CPS1: variants seen among roughly 807,000 people sequenced by gnomAD.
The protein encoded by CPS1 is carbamoyl-phosphate synthase [ammonia], mitochondrial.
A neutral mutation model predicts 174.6 loss-of-function variants in CPS1; 109 were observed. The ratio of observed to expected loss-of-function variants is 0.62; its 90% CI spans 0.53 to 0.73. The LOEUF (loss-of-function observed/expected upper bound fraction) is 0.73, where lower values mean the gene tolerates loss of function less well. Among genes scored for constraint, CPS1 ranks in the 30% least tolerant of loss-of-function variants. CPS1 has a pLI of 0.00. For synonymous variants in CPS1, 637 were observed against 632.0 expected (o/e 1.01, Z -0.12); for missense variants, 1,689 against 1,821.9 (o/e 0.93, Z 1.33).
intron 34 of CPS1, chr2:210,673,959 A>G (rs1701413199): frequency 6.6e-6 from 1 of 152,228 alleles, no homozygotes; most frequent in Admixed American, 6.5e-5. Flanking sequence ...AGGCAAAGAC[A>G]TTAACTTTTT....
intron 34 of CPS1, 111 bp from the exon 35 acceptor site, chr2:210,674,791 G>A: frequency 1.1e-6 from 1 of 901,566 alleles, no homozygotes; most frequent in South Asian, 1.3e-5. Flanking sequence ...TTAATATAAA[G>A]CATCCGGCAA....
chr2:210,538,393 G>A (rs2544307), intron 1 of CPS1, among the ~76,000 whole-genome samples: 62,858 of 151,854 alleles, frequency 0.41, 13,242 homozygotes, highest in Middle Eastern at 0.52. Context: ...TGGAGGTTCA[G>A]TTGATCTTTA....
At chr2:210,554,720 A>G (rs1215393066), upstream of CPS1, among the ~76,000 whole-genome samples, 3 of 151,900 alleles carry the variant, frequency 2.0e-5, no homozygotes, top group African/African-American at 7.3e-5. Context: ...CAATGTGCAC[A>G]TGTACCCTAA....
At chr2:210,667,601 T>C (rs1207339485) in intron 33 of CPS1, among the ~76,000 whole-genome samples, 1 of 152,176 alleles carries the variant, frequency 6.6e-6, no homozygotes, top group Non-Finnish European at 1.5e-5. Flanking sequence ...ATATTTTGTT[T>C]CACTTTATGA....
chr2:210,594,372 C>T, intron 11 of CPS1, 136 bp from the exon 12 acceptor site: 1 of 663,204 alleles, frequency 1.5e-6, no homozygotes, highest in Non-Finnish European at 2.6e-6. Context: ...GACAAAAAAG[C>T]AAAAAAAGCT....
chr2:210,495,527 G>A (rs148129273), intron 1 of CPS1, among the ~76,000 whole-genome samples: 146 of 152,272 alleles, frequency 9.6e-4, no homozygotes, highest in African/African-American at 3.1e-3. Context: ...TACCCACTCT[G>A]TCCCCAGCTT....
chr2:210,637,064 C>T (rs1292516070), intron 21 of CPS1, among the ~76,000 whole-genome samples: 1 of 152,132 alleles, frequency 6.6e-6, no homozygotes. Context: ...GCATAAAGAC[C>T]TGGAGCACAG....
intron 16 of CPS1, 68 bp downstream of exon 16, chr2:210,602,398 A>G (rs543546794): frequency 5.4e-4 from 830 of 1,551,336 alleles, no homozygotes; most frequent in Non-Finnish European, 7.2e-4. Context: ...TTTCAACTAG[A>G]GAAAGTTATG....
intron 25 of CPS1, among the ~76,000 whole-genome samples, chr2:210,646,715 G>A (rs544659563): frequency 6.6e-6 from 1 of 152,034 alleles, no homozygotes; most frequent in East Asian, 1.9e-4. Flanking sequence ...TAGTGTTTAG[G>A]CAGGTATTAT....
intron 20 of CPS1, among the ~76,000 whole-genome samples, chr2:210,614,930 T>C (rs1699252763): frequency 6.6e-6 from 1 of 151,866 alleles, no homozygotes; most frequent in Non-Finnish European, 1.5e-5. Flanking sequence ...AAATACCTAA[T>C]GTAGATGACA....
At chr2:210,677,181 C>T (rs1360621279) in intron 37 of CPS1, 45 bp downstream of exon 37, 3 of 1,586,608 alleles carry the variant, frequency 1.9e-6, no homozygotes, top group African/African-American at 1.3e-5. Context: ...AGTTTTATTT[C>T]TGTGCCTCCC....
In CPS1 at chr2:210,592,953, T is replaced by C. The variant is rs1698359740; in HGVS notation, c.1161T>C (p.Thr387=). The C allele has an allele frequency of 6.2e-7, 1 of 1,611,762 alleles. No individual in the cohort carries two copies. The highest frequency in any genetic ancestry group is 8.5e-7 in the Non-Finnish European group (1 of 1,178,574). The change falls in exon 11 of 38, where the codon ACT becomes ACC. Residue 387 remains threonine (T), a synonymous_variant. Transcript: ENST00000233072. ...AGGTCACCCCGGGGCCAATAGACAC[T>C]GAGGTACGTCAAAAAGATGAGGCCT... ...HPEVTPGPID[T]EYLFDSFFSL... is the part of the protein sequence containing the mutation.
intron 1 of CPS1, among the ~76,000 whole-genome samples, chr2:210,548,278 A>G (rs908893204): frequency 1.3e-5 from 2 of 152,038 alleles, no homozygotes; most frequent in Admixed American, 6.6e-5. Context: ...GACTTCTAAC[A>G]TGGCAATTAA....
intron 6 of CPS1, among the ~76,000 whole-genome samples, chr2:210,586,358 C>G (rs1471350572): frequency 6.6e-6 from 1 of 151,764 alleles, no homozygotes; most frequent in Non-Finnish European, 1.5e-5. Flanking sequence ...AAAATTGGTC[C>G]CATTCATATG....
chr2:210,565,237 C>G (rs2106055507), intron 1 of CPS1, among the ~76,000 whole-genome samples: 1 of 152,096 alleles, frequency 6.6e-6, no homozygotes, highest in South Asian at 2.1e-4. Context: ...AATAAATTTT[C>G]TAACAAAGGA....
At chr2:210,592,120 A>T in intron 10 of CPS1, 151 bp downstream of exon 10, 1 of 894,608 alleles carries the variant, frequency 1.1e-6, no homozygotes, top group South Asian at 1.8e-5. Context: ...ACACTAGGAT[A>T]ACCATCACCT....
chr2:210,631,978 T>C (rs1357524569), intron 21 of CPS1, among the ~76,000 whole-genome samples: 1 of 152,240 alleles, frequency 6.6e-6, no homozygotes, highest in African/African-American at 2.4e-5. Flanking sequence ...TAGCTGGGCA[T>C]AAAGCTGTCT....
chr2:210,543,043 G>T (rs1456895849), intron 1 of CPS1, among the ~76,000 whole-genome samples: 1 of 152,004 alleles, frequency 6.6e-6, no homozygotes, highest in East Asian at 1.9e-4. Flanking sequence ...TCCTTAATCG[G>T]GGTTAGTCCC....
At chr2:210,525,828 G>GGA (rs1177265392) in intron 1 of CPS1, among the ~76,000 whole-genome samples, 1 of 130,412 alleles carries the variant, frequency 7.7e-6, no homozygotes, top group East Asian at 2.2e-4. Context: ...AGAGAGAGAG[G>GGA]GAGAGAGAAA....
Sources: allele counts gnomAD v4.1 joint callset (sites outside exome capture counted in the v4.1 genomes callset), GRCh38; gene constraint gnomAD v4.1.1; transcripts MANE v1.5; gene names NCBI Gene and HGNC (gene_info 2026-07-23, HGNC 2026-07-21).